The following NBAS variants were observed in gnomAD, a reference collection of about 807,000 sequenced individuals.
NBAS encodes NBAS subunit of NRZ tethering complex.
Under a neutral mutation model 302.5 loss-of-function variants are expected in NBAS, and 219 were observed. The ratio of observed to expected loss-of-function variants is 0.72; its 90% CI spans 0.65 to 0.81. NBAS has a LOEUF of 0.81. Among genes scored for constraint, NBAS ranks in the 30% least tolerant of loss-of-function variants. NBAS has a pLI of 0.00. For synonymous variants in NBAS, 1,118 were observed against 1,021.6 expected (o/e 1.09, Z -1.80); for missense variants, 2,932 against 2,841.6 (o/e 1.03, Z -0.72).
chr2:14,872,123 G>A, the NBAS span, among the ~76,000 whole-genome samples: 1 of 152,180 alleles, frequency 6.6e-6, no homozygotes, highest in Non-Finnish European at 1.5e-5. Context: ...ATTAACATCA[G>A]AGAGTAATTT....
intron 48 of NBAS, among the ~76,000 whole-genome samples, chr2:15,213,931 T>C (rs142424925): frequency 1.7e-3 from 252 of 152,358 alleles, no homozygotes; most frequent in African/African-American, 5.9e-3. Flanking sequence ...CTTGCTCATA[T>C]TGGGACAAAC....
chr2:15,351,870 GCACACACACACACACACACA>G, intron 35 of NBAS, 102 bp downstream of exon 35: 3 of 700,828 alleles, frequency 4.3e-6, no homozygotes, highest in Non-Finnish European at 7.8e-6. Flanking sequence ...TGGTCTGCAT[GCACACACACACACACACACA>G]CACACACACA....
intron 21 of NBAS, among the ~76,000 whole-genome samples, chr2:15,439,923 T>A (rs1391173605): frequency 6.6e-6 from 1 of 152,130 alleles, no homozygotes; most frequent in South Asian, 2.1e-4. Flanking sequence ...TTGTCTGAGA[T>A]CAAACCGCAA....
rs2148695081 is a variant in NBAS, at chr2:15,542,189, G to T, written c.380-2833C>A. Among the ~76,000 whole-genome samples the T allele has an allele frequency of 4.7e-5, 4 of 85,772 alleles. No individual in the cohort carries two copies. In the East Asian group the frequency reaches 8.5e-4, roughly 18 times the overall value. 56.3% of individuals were successfully genotyped at this position (85,772 alleles called of 152,430 possible). A position where few individuals can be genotyped will look rare whatever the true frequency, so the allele number is the denominator to read the frequency against. ...TGGCAGTTTTGTGGAATAGAAAGGG[G>T]GGAAAAGTGGGGAAAAGATTGAGAA... On this transcript the variant is annotated intron_variant, in intron 6 of 51. Transcript: ENST00000281513.
At chr2:14,987,585 G>T in the NBAS span, among the ~76,000 whole-genome samples, 1 of 152,024 alleles carries the variant, frequency 6.6e-6, no homozygotes, top group African/African-American at 2.4e-5. Flanking sequence ...TATGAATGTA[G>T]AAATTTATTG....
intron 41 of NBAS, 21 bp from the exon 42 acceptor site, chr2:15,287,204 C>T (rs1025137866): frequency 6.3e-7 from 1 of 1,587,390 alleles, no homozygotes; most frequent in Non-Finnish European, 8.7e-7. Context: ...GTCCATCAAG[C>T]CCAGGAAGGG....
At chr2:14,799,606 CTA>C in the NBAS span, among the ~76,000 whole-genome samples, 10 of 152,104 alleles carry the variant, frequency 6.6e-5, no homozygotes, top group African/African-American at 2.4e-4. Context: ...ATTGAGTAGT[CTA>C]TATCCTCACC....
At chr2:14,980,523 G>T in the NBAS span, among the ~76,000 whole-genome samples, 1 of 152,172 alleles carries the variant, frequency 6.6e-6, no homozygotes, top group Non-Finnish European at 1.5e-5. Flanking sequence ...TTTCTGCTGT[G>T]GGAGACTTCC....
Position 15,328,262 on chromosome 2 carries a change from A to G in NBAS, c.4398T>C (p.Asp1466=), listed in dbSNP as rs527937098. The change falls in exon 37 of 52, where the codon GAT becomes GAC. Residue 1466 remains aspartate (D), a synonymous_variant. Coordinates refer to ENST00000281513, the MANE Select transcript of NBAS (RefSeq NM_015909.4). ...AYQIGTTANE[D]LEKQGCHPFY... ...AAGGATGACACCCTTGTTTCTCTAG[A>G]TCTTCATTGGCTGTAGTTCCGATTT... 38 of 1,613,990 alleles carry G rather than the reference A, an allele frequency of 2.4e-5. 1 individual carries two copies. The Admixed American group carries it at 6.3e-4, about 27-fold the overall frequency.
At chr2:15,186,324 C>T (rs1204550969) in intron 50 of NBAS, among the ~76,000 whole-genome samples, 3 of 152,018 alleles carry the variant, frequency 2.0e-5, no homozygotes, top group East Asian at 1.9e-4. Flanking sequence ...TATGCAATCT[C>T]GTTACAATGA....
At chr2:15,034,250 A>AAG in the NBAS span, among the ~76,000 whole-genome samples, 2 of 93,922 alleles carry the variant, frequency 2.1e-5, no homozygotes, top group Admixed American at 1.1e-4. Context: ...GAAAGAAAGA[A>AAG]AGAAAGAAAG....
intron 48 of NBAS, among the ~76,000 whole-genome samples, chr2:15,217,247 T>C (rs979530420): frequency 1.3e-5 from 2 of 152,246 alleles, no homozygotes; most frequent in East Asian, 1.9e-4. Context: ...CTGATATTCA[T>C]GACTTTTAAA....
chr2:15,449,820 C>T (rs998241137), intron 21 of NBAS, among the ~76,000 whole-genome samples: 1 of 152,160 alleles, frequency 6.6e-6, no homozygotes, highest in Non-Finnish European at 1.5e-5. Context: ...CTCCTCTCTG[C>T]GGACAGTCAC....
chr2:15,329,278 A>G (rs1224287702), intron 36 of NBAS, among the ~76,000 whole-genome samples: 1 of 152,214 alleles, frequency 6.6e-6, no homozygotes, highest in South Asian at 2.1e-4. Context: ...GCGTCTCACT[A>G]AACGGCATCT....
the NBAS span, among the ~76,000 whole-genome samples, chr2:14,942,113 A>T: frequency 1.3e-5 from 2 of 152,210 alleles, no homozygotes; most frequent in African/African-American, 4.8e-5. Flanking sequence ...AAGAAGGGTG[A>T]TTTTCCAAAA....
At chr2:14,888,396 G>A in the NBAS span, among the ~76,000 whole-genome samples, 2 of 151,936 alleles carry the variant, frequency 1.3e-5, no homozygotes, top group African/African-American at 4.8e-5. Context: ...CTCCCAAAGT[G>A]CTGGGATTAC....
chr2:15,078,955 A>G, the NBAS span, among the ~76,000 whole-genome samples: 5 of 152,172 alleles, frequency 3.3e-5, no homozygotes. Context: ...GGGTAAAAAA[A>G]GCAGAATGAA....
chr2:15,480,377 GA>G (rs112925094), intron 12 of NBAS, among the ~76,000 whole-genome samples: 2,846 of 135,236 alleles, frequency 0.021, 83 homozygotes, highest in African/African-American at 0.07. Flanking sequence ...GAGACAAAAG[GA>G]AAAAAAAAAA....
chr2:15,393,470 A>C (rs1179524184), intron 28 of NBAS, among the ~76,000 whole-genome samples: 1 of 152,160 alleles, frequency 6.6e-6, no homozygotes, highest in Middle Eastern at 3.2e-3. Flanking sequence ...TGTAGGATGC[A>C]GCAACTGTAA....
Sources: allele counts gnomAD v4.1 joint callset (sites outside exome capture counted in the v4.1 genomes callset), GRCh38; gene constraint gnomAD v4.1.1; transcripts MANE v1.5; gene names NCBI Gene and HGNC (gene_info 2026-07-23, HGNC 2026-07-21).